FGD5: variants seen among roughly 807,000 people sequenced by gnomAD.
FGD5 encodes FYVE, RhoGEF and PH domain-containing protein 5.
In FGD5, 28 loss-of-function variants were observed where a neutral mutation model predicts 133.4. That is an observed-to-expected ratio of 0.21 (90% CI 0.16 to 0.29). The LOEUF (loss-of-function observed/expected upper bound fraction) is 0.29, where lower values mean the gene tolerates loss of function less well. FGD5 is among the 10% of genes least tolerant of loss of function. The probability of loss-of-function intolerance (pLI) is 1.00; values close to 1 mark genes in which losing one functional copy is unlikely to be tolerated. For missense variants in FGD5, 1,858 were observed against 1,895.2 expected (o/e 0.98, Z 0.36); for synonymous variants, 810 against 776.5 (o/e 1.04, Z -0.72).
At chr3:14,915,679 C>T (rs2038540128) in intron 11 of FGD5, among the ~76,000 whole-genome samples, 1 of 152,014 alleles carries the variant, frequency 6.6e-6, no homozygotes. Context: ...ACAGAGCTCA[C>T]CCTAGTTCAT....
rs1421178750 is a variant in FGD5, at chr3:14,922,023, TG to T, written c.3669+9del. 6.4e-7 allele frequency: 1 copy of T among 1,555,632 alleles called. No homozygotes were observed. Among genetic ancestry groups the T allele is most frequent in the South Asian group, 1.2e-5 (1 of 84,286 alleles). On this transcript the variant is annotated splice_region_variant and intron_variant, in intron 14 of 19. Transcript: ENST00000285046. This position sits in a 1 kb window ranked among gnomAD's most constrained non-coding sequence, Gnocchi z 4.1. The stretch of plus-strand genomic sequence containing the variant: ...CATTCCACCATAGCGTGGAGGTGAG[TG>T]GGTGGGCAGGGCCCACGGGCCACCA...
rs2038797671 is a variant in FGD5 at position 14,926,062 on chromosome 3, C to T, written c.4069-8C>T. 6.2e-7 allele frequency: 1 copy of T among 1,613,404 alleles called. No individual in the cohort carries two copies. The highest frequency in any genetic ancestry group is 1.7e-4 in the Middle Eastern group (1 of 6,018). On this transcript the variant is annotated splice_region_variant and splice_polypyrimidine_tract_variant and intron_variant, in intron 17 of 19. Transcript: ENST00000285046. Reference sequence around the variant, plus strand: ...GGTGGGCTGACCGCTCTGCTTCCCTCCTGCCAGGTGGCTGCCTCTGGAGAG... The same window carrying T: ...GGTGGGCTGACCGCTCTGCTTCCCTTCTGCCAGGTGGCTGCCTCTGGAGAG...
At chr3:14,912,097 G>T (rs2038459829) in intron 11 of FGD5, among the ~76,000 whole-genome samples, 1 of 152,094 alleles carries the variant, frequency 6.6e-6, no homozygotes. Flanking sequence ...AGACCCTTCT[G>T]CTCGTGAGTG....
At chr3:14,823,452 C>G (rs1357403257) in intron 1 of FGD5, among the ~76,000 whole-genome samples, 1 of 152,156 alleles carries the variant, frequency 6.6e-6, no homozygotes, top group Non-Finnish European at 1.5e-5. Context: ...CTCTCTCAAG[C>G]CAGGTGAGGG....
In FGD5 at chr3:14,871,630, G is replaced by A. The variant is rs145458278; in HGVS notation, c.2658+7370G>A. Among the ~76,000 whole-genome samples the A allele has an allele frequency of 2.3e-3, 343 of 152,310 alleles. 3 individuals are homozygous for A. The highest frequency in any genetic ancestry group is 8.3e-3 in the Admixed American group (127 of 15,300). On this transcript the variant is annotated intron_variant, in intron 2 of 19. Coordinates refer to ENST00000285046, the MANE Select transcript of FGD5 (RefSeq NM_152536.4). ...ACAACTCAGAGGGGACGGGAGAGAA[G>A]AGGGGCTCCAAGGTTCTGGAGGGCG...
intron 1 of FGD5, among the ~76,000 whole-genome samples, chr3:14,851,340 G>T (rs112958087): frequency 6.6e-6 from 1 of 152,322 alleles, no homozygotes; most frequent in East Asian, 1.9e-4. Flanking sequence ...GAGGCAGGCA[G>T]GTTAAGCAAC....
intron 18 of FGD5, among the ~76,000 whole-genome samples, chr3:14,927,464 AAATGAATGAATG>A (rs144691501): frequency 0.021 from 3,198 of 152,210 alleles, 112 homozygotes; most frequent in African/African-American, 0.071. Flanking sequence ...ACGAAAAATA[AAATGAATGAATG>A]AATGAATGAA....
chr3:14,918,393 G>C (rs1467470691), intron 12 of FGD5, among the ~76,000 whole-genome samples: 2 of 152,236 alleles, frequency 1.3e-5, no homozygotes, highest in African/African-American at 4.8e-5. Flanking sequence ...ACCTTTCTCA[G>C]CATGGAGGTT....
chr3:14,922,629 G>A lies in FGD5; in HGVS notation c.3807+81G>A. The A allele has an allele frequency of 6.7e-7, 1 of 1,503,690 alleles. No homozygotes were observed. Among genetic ancestry groups the A allele is most frequent in the Non-Finnish European group, 8.9e-7 (1 of 1,125,350 alleles). The allele number at this position is 1,503,690 out of a possible 1,614,324, so 93.1% of individuals were successfully genotyped here. A position where few individuals can be genotyped will look rare whatever the true frequency, so the allele number is the denominator to read the frequency against. ...ATGTCCCTGCCCAGCCGGGGGCTCA[G>A]GGATGTCCAGCAGCTACTGTAAGCC... On this transcript the variant is annotated intron_variant, in intron 15 of 19. Transcript: ENST00000285046. This position sits in a 1 kb window ranked among gnomAD's most constrained non-coding sequence, Gnocchi z 4.1.
intron 2 of FGD5, among the ~76,000 whole-genome samples, chr3:14,869,335 A>C (rs770949316): frequency 6.7e-6 from 1 of 150,300 alleles, no homozygotes; most frequent in Non-Finnish European, 1.5e-5. Context: ...AAACAAACAA[A>C]ACTGGCTATG....
chr3:14,820,362 G>A lies in FGD5; in HGVS notation c.1291G>A (p.Val431Met), dbSNP rs369148547. The change falls in exon 1 of 20, where the codon GTG becomes ATG. Residue 431 changes from valine (V) to methionine (M), a missense_variant. Physicochemically the swap from Val to Met is conservative, Grantham distance 21. Coordinates refer to ENST00000285046, the MANE Select transcript of FGD5 (RefSeq NM_152536.4). ...ALDDALANPY[V>M]MGVGLPGQAA... ...GGATGATGCACTGGCCAACCCCTAT[G>A]TGATGGGAGTGGGCCTGCCCGGTCA... The A allele has an allele frequency of 3.1e-6, 5 of 1,613,474 alleles. No homozygotes were observed. The highest frequency in any genetic ancestry group is 3.4e-6 in the Non-Finnish European group (4 of 1,179,736).
intron 1 of FGD5, among the ~76,000 whole-genome samples, chr3:14,842,329 C>T (rs1432807744): frequency 6.6e-6 from 1 of 152,194 alleles, no homozygotes; most frequent in African/African-American, 2.4e-5. Flanking sequence ...CAGGCATGGT[C>T]ACAGAGACCA....
Position 14,832,270 on chromosome 3 carries a change from G to A in FGD5, c.2525+10674G>A, listed in dbSNP as rs369311491. Among the ~76,000 whole-genome samples the A allele has an allele frequency of 2.6e-5, 4 of 152,188 alleles. No individual in the cohort carries two copies. In the East Asian group the frequency reaches 7.7e-4, roughly 29 times the overall value. On this transcript the variant is annotated intron_variant, in intron 1 of 19. Transcript: ENST00000285046. Reference sequence around the variant, plus strand: ...GAGGCAAACAGACACTTTTACGTAAGAGGCTTCATAGAGCTCTCCCTGCAC... The same window carrying A: ...GAGGCAAACAGACACTTTTACGTAAAAGGCTTCATAGAGCTCTCCCTGCAC...
chr3:14,914,920 C>G (rs1444530466), intron 11 of FGD5, among the ~76,000 whole-genome samples: 2 of 152,350 alleles, frequency 1.3e-5, no homozygotes, highest in Non-Finnish European at 2.9e-5. Flanking sequence ...ACTGTAGTGC[C>G]TGTCACTCTT....
intron 1 of FGD5, among the ~76,000 whole-genome samples, chr3:14,828,766 T>C (rs1423475713): frequency 4.6e-5 from 7 of 151,324 alleles, no homozygotes; most frequent in African/African-American, 1.7e-4. Flanking sequence ...CAGTTGGCTA[T>C]GGAGTGGGCA....
rs141570843 is a variant in FGD5, at chr3:14,933,859, G to A, written c.*692G>A. ...AAGGGGAGGATTTTCTCCTCCAGTC[G>A]ACCTTGTGACCTGTATACTAACATA... On this transcript the variant is annotated 3_prime_UTR_variant, in exon 20 of 20. Transcript: ENST00000285046. 4.7e-3 allele frequency: 722 copies of A among 152,958 alleles called. 2 individuals are homozygous for A. Among genetic ancestry groups the A allele is most frequent in the Middle Eastern group, 0.027 (8 of 294 alleles). The allele number at this position is 152,958 out of a possible 1,614,324, so 9.5% of individuals were successfully genotyped here. A position where few individuals can be genotyped will look rare whatever the true frequency, so the allele number is the denominator to read the frequency against.
intron 1 of FGD5, among the ~76,000 whole-genome samples, chr3:14,852,795 C>A (rs570768399): frequency 6.6e-6 from 1 of 152,280 alleles, no homozygotes; most frequent in East Asian, 1.9e-4. Context: ...CCTTGGCTGA[C>A]CCTGGGTGCA....
chr3:14,882,268 T>C lies in FGD5; in HGVS notation c.2748+1496T>C, dbSNP rs1575229387. The C allele has an allele frequency of 3.0e-6, 3 of 985,280 alleles. No individual in the cohort carries two copies. In the South Asian group the frequency reaches 1.4e-4, roughly 46 times the overall value. The allele number at this position is 985,280 out of a possible 1,614,324, so 61.0% of individuals were successfully genotyped here. A position where few individuals can be genotyped will look rare whatever the true frequency, so the allele number is the denominator to read the frequency against. On this transcript the variant is annotated intron_variant, in intron 4 of 19. Coordinates refer to ENST00000285046, the MANE Select transcript of FGD5 (RefSeq NM_152536.4). ...ACAGAGGGGCTGGGCAATTTTGTTT[T>C]ATGACTTCATAAGAGGGTTTTAACT... is the stretch of plus-strand genomic sequence containing the variant.
At chr3:14,841,019 C>T (rs1048271398) in intron 1 of FGD5, among the ~76,000 whole-genome samples, 2 of 152,146 alleles carry the variant, frequency 1.3e-5, no homozygotes, top group African/African-American at 2.4e-5. Flanking sequence ...ATTGTGCCCC[C>T]GATCAGTGTG....
Sources: gnomAD v4.1 joint callset for allele counts (sites outside exome capture counted in the v4.1 genomes callset) on GRCh38, gnomAD v4.1.1 for gene constraint, Gnocchi (gnomAD v3.1) non-coding constraint, MANE v1.5 for transcripts, NCBI Gene and HGNC (gene_info 2026-07-23, HGNC 2026-07-21) for gene names.